CIMIP2A: variants seen among roughly 807,000 people sequenced by gnomAD.
The protein encoded by CIMIP2A is family with sequence similarity 166 member A.
chr9:137,243,683 C>T, the CIMIP2A span: 1 of 1,614,086 alleles, frequency 6.2e-7, no homozygotes, highest in Non-Finnish European at 8.5e-7. Flanking sequence ...TGTACAGACA[C>T]CACCATTAAA....
At chr9:137,252,248 C>T in the CIMIP2A span, 1 of 1,432,114 alleles carries the variant, frequency 7.0e-7, no homozygotes, top group Non-Finnish European at 9.5e-7. Context: ...CCACCCTTCC[C>T]TGCGTTCACC....
chr9:137,252,213 A>G, the CIMIP2A span: 1 of 1,541,070 alleles, frequency 6.5e-7, no homozygotes, highest in Non-Finnish European at 8.8e-7. Context: ...CTCTGTGCTG[A>G]AACCCCCACG....
chr9:137,251,764 G>T, the CIMIP2A span: 2 of 1,579,812 alleles, frequency 1.3e-6, no homozygotes, highest in Non-Finnish European at 1.7e-6. Flanking sequence ...CTGTTGTTGG[G>T]CCCGGAGCCG....
At chr9:137,251,141 G>A in the CIMIP2A span, 1 of 684,506 alleles carries the variant, frequency 1.5e-6, no homozygotes, top group Non-Finnish European at 2.6e-6. Flanking sequence ...GTTAGTGGGG[G>A]AGGGGCCCAC....
chr9:137,249,789 C>G, the CIMIP2A span, among the ~76,000 whole-genome samples: 1 of 152,230 alleles, frequency 6.6e-6, no homozygotes, highest in Non-Finnish European at 1.5e-5. Context: ...TCTCTCTACG[C>G]TTCTTCATTG....
chr9:137,251,217 A>C, the CIMIP2A span: 3 of 1,098,160 alleles, frequency 2.7e-6, no homozygotes, highest in Non-Finnish European at 4.2e-6. Flanking sequence ...GAGTCCCAGC[A>C]ACAGAGGGGC....
the CIMIP2A span, chr9:137,245,817 C>T: frequency 6.6e-7 from 1 of 1,511,140 alleles, no homozygotes; most frequent in Non-Finnish European, 8.9e-7. Flanking sequence ...AGGTGTTCCC[C>T]ACCTGGTAGC....
chr9:137,248,023 G>A, the CIMIP2A span, among the ~76,000 whole-genome samples: 2 of 152,210 alleles, frequency 1.3e-5, no homozygotes, highest in Non-Finnish European at 2.9e-5. Flanking sequence ...GCCCCCAGGA[G>A]GCCACCAGCC....
the CIMIP2A span, among the ~76,000 whole-genome samples, chr9:137,248,959 A>G: frequency 1.3e-5 from 2 of 152,242 alleles, no homozygotes; most frequent in Non-Finnish European, 2.9e-5. Flanking sequence ...ATCAGCATAA[A>G]AAGCTCTCAC....
chr9:137,253,636 C>G, the CIMIP2A span: 1 of 632,644 alleles, frequency 1.6e-6, no homozygotes, highest in African/African-American at 1.9e-5. Context: ...CTGTGACTGA[C>G]CCTGAGCTCT....
At chr9:137,245,435 G>C in the CIMIP2A span, 19 of 1,613,762 alleles carry the variant, frequency 1.2e-5, no homozygotes, top group Non-Finnish European at 1.6e-5. Flanking sequence ...GGGGTGTCGG[G>C]CGTGAAGCCT....
chr9:137,245,254 T>TCC, the CIMIP2A span: 1 of 1,576,898 alleles, frequency 6.3e-7, no homozygotes, highest in Non-Finnish European at 8.6e-7. Context: ...ACGGTGCAGC[T>TCC]CCCACCTGGG....
the CIMIP2A span, chr9:137,252,630 T>G: frequency 6.8e-7 from 1 of 1,472,564 alleles, no homozygotes. Context: ...GGGAGCACCC[T>G]GCCCTGCAGC....
chr9:137,244,438 C>T, the CIMIP2A span: 4 of 1,517,424 alleles, frequency 2.6e-6, no homozygotes, highest in East Asian at 9.5e-5. Context: ...CCCCCGACTC[C>T]AAAACTTGAG....
chr9:137,252,996 G>A, the CIMIP2A span: 5 of 1,571,050 alleles, frequency 3.2e-6, no homozygotes, highest in Admixed American at 3.6e-5. Context: ...GAGGGCTAGG[G>A]ATGGGGCATG....
chr9:137,251,895 T>C, the CIMIP2A span: 1 of 1,606,806 alleles, frequency 6.2e-7, no homozygotes, highest in Admixed American at 1.7e-5. Context: ...GAGGGAACTA[T>C]GTGAGTGAGG....
chr9:137,251,321 T>C, the CIMIP2A span: 1 of 1,613,698 alleles, frequency 6.2e-7, no homozygotes, highest in Non-Finnish European at 8.5e-7. Flanking sequence ...GTGAAATTCC[T>C]GGCAAATTTT....
At chr9:137,244,646 C>T in the CIMIP2A span, 9 of 1,613,678 alleles carry the variant, frequency 5.6e-6, no homozygotes, top group Admixed American at 6.7e-5. Context: ...TCCTACCTGG[C>T]TCTTGTCGAA....
the CIMIP2A span, among the ~76,000 whole-genome samples, chr9:137,246,767 G>C: frequency 6.8e-6 from 1 of 147,284 alleles, no homozygotes; most frequent in Non-Finnish European, 1.5e-5. Flanking sequence ...CGTCTCAAAA[G>C]AAAAAAAAAA....
Sources: allele counts gnomAD v4.1 joint callset (sites outside exome capture counted in the v4.1 genomes callset), GRCh38; gene constraint gnomAD v4.1.1; transcripts MANE v1.5; gene names NCBI Gene and HGNC (gene_info 2026-07-23, HGNC 2026-07-21).